PRELID3A: variants seen among roughly 807,000 people sequenced by gnomAD.
PRELID3A encodes the protein PRELI domain containing protein 3A.
Under a neutral mutation model 23.0 loss-of-function variants are expected in PRELID3A, and 27 were observed. The observed-to-expected ratio is 1.17, with a 90% CI of 0.87 to 1.62. PRELID3A has a LOEUF of 1.62. Ranked by LOEUF, PRELID3A falls within the 40% of genes most tolerant of loss-of-function variation. The pLI, the probability that PRELID3A is intolerant of heterozygous loss-of-function variation, is 0.00. For synonymous variants in PRELID3A, 87 were observed against 86.4 expected, an observed-to-expected ratio of 1.01 and a Z score of -0.04; for missense variants, 231 against 231.4, an observed-to-expected ratio of 1.00 and a Z score of 0.01.
chr18:12,429,351 G>A lies in PRELID3A; in HGVS notation c.467G>A (p.Gly156Glu). 1 of 1,613,714 alleles carries A rather than the reference G, an allele frequency of 6.2e-7. No homozygotes were observed. The highest frequency in any genetic ancestry group is 8.5e-7 in the Non-Finnish European group (1 of 1,179,996). ...TGCTGAAATCTTTCTGTGTTGCAGG[G>A]GTGGGCTGCTATCGAGTGGATAATT... ...ANTISSNAKK[G>E]WAAIEWIIEH... Residue 156 changes from glycine (G) to glutamate (E), a missense_variant and splice_region_variant, in exon 6 of 7, where the codon GGG (glycine) becomes GAG (glutamate). By Grantham distance (98) the Gly-to-Glu change is moderately conservative (BLOSUM62 -2). Transcript: ENST00000440960.
At chr18:12,408,097 C>T (rs1008121465) in intron 1 of PRELID3A, 90 bp downstream of exon 1, 1 of 1,119,982 alleles carries the variant, frequency 8.9e-7, no homozygotes, top group East Asian at 3.3e-5. Context: ...AAGGCCGGAC[C>T]TCACAGCGGG....
At chr18:12,408,664 G>A (rs1455514212) in intron 1 of PRELID3A, among the ~76,000 whole-genome samples, 2 of 152,006 alleles carry the variant, frequency 1.3e-5, no homozygotes, top group Admixed American at 6.6e-5. Context: ...AGAAAGACAA[G>A]TATCGCATGT....
chr18:12,426,331 G>A (rs1388774498), intron 3 of PRELID3A, among the ~76,000 whole-genome samples: 1 of 151,344 alleles, frequency 6.6e-6, no homozygotes, highest in Admixed American at 6.6e-5. Context: ...AAGGCGGGCG[G>A]ATCACGAGGT....
At chr18:12,421,724 C>T in intron 3 of PRELID3A, 95 bp downstream of exon 3, 1 of 758,416 alleles carries the variant, frequency 1.3e-6, no homozygotes, top group Non-Finnish European at 2.3e-6. Flanking sequence ...CACCTTTGGT[C>T]TAGGTGTTGC....
At chr18:12,429,294 G>A in intron 5 of PRELID3A, 56 bp from the exon 6 acceptor site, 1 of 1,500,422 alleles carries the variant, frequency 6.7e-7, no homozygotes, top group South Asian at 1.1e-5. Flanking sequence ...GTCGCTTGCT[G>A]TCTGCAGCGG....
chr18:12,430,004 C>A (rs1016388354), intron 6 of PRELID3A, among the ~76,000 whole-genome samples: 7 of 152,268 alleles, frequency 4.6e-5, no homozygotes, highest in African/African-American at 1.7e-4. Context: ...GGCCAGCGGC[C>A]ACCAGGGCCT....
intron 6 of PRELID3A, among the ~76,000 whole-genome samples, 185 bp from the exon 7 acceptor site, chr18:12,430,965 T>A (rs981254285): frequency 4.0e-5 from 6 of 151,460 alleles, no homozygotes; most frequent in Admixed American, 2.0e-4. Context: ...GATTTGTGCA[T>A]GTCTGTATGA....
intron 5 of PRELID3A, 92 bp from the exon 6 acceptor site, chr18:12,429,258 C>A (rs970958316): frequency 3.8e-6 from 4 of 1,056,564 alleles, no homozygotes; most frequent in Non-Finnish European, 5.9e-6. Context: ...GCAGCGCTTG[C>A]CTTCTGCAGT....
At chr18:12,408,550 A>T (rs1363735754) in intron 1 of PRELID3A, among the ~76,000 whole-genome samples, 2 of 152,182 alleles carry the variant, frequency 1.3e-5, no homozygotes, top group Non-Finnish European at 2.9e-5. Context: ...ACTTGTAGGC[A>T]TGGAAGGCCT....
At chr18:12,424,452 C>T (rs1454289489) in intron 3 of PRELID3A, among the ~76,000 whole-genome samples, 1 of 152,198 alleles carries the variant, frequency 6.6e-6, no homozygotes, top group Non-Finnish European at 1.5e-5. Context: ...AACACAGTGA[C>T]TTGCATAAAA....
chr18:12,416,689 A>G (rs1568161550), intron 1 of PRELID3A, among the ~76,000 whole-genome samples: 2 of 142,610 alleles, frequency 1.4e-5, no homozygotes, highest in South Asian at 2.2e-4. Flanking sequence ...TCTGTTGCCC[A>G]GGGTGGAGTG....
At chr18:12,411,301 T>TA (rs775153295) in intron 1 of PRELID3A, among the ~76,000 whole-genome samples, 2,972 of 132,232 alleles carry the variant, frequency 0.022, 82 homozygotes, top group African/African-American at 0.073. Context: ...TACTAAAAAA[T>TA]AAAAAAAAAA....
chr18:12,416,826 T>G (rs1025061376), intron 1 of PRELID3A, among the ~76,000 whole-genome samples: 1 of 151,854 alleles, frequency 6.6e-6, no homozygotes, highest in Non-Finnish European at 1.5e-5. Flanking sequence ...TTTGTATTTT[T>G]AGTAGAGTCG....
At chr18:12,427,457 G>A (rs1186950653) in intron 5 of PRELID3A, 134 bp downstream of exon 5, 2 of 714,486 alleles carry the variant, frequency 2.8e-6, no homozygotes, top group Non-Finnish European at 4.6e-6. Flanking sequence ...AGCACTTTGG[G>A]AGGCCAACGC....
chr18:12,421,265 G>T (rs1386070683), intron 2 of PRELID3A: 2 of 423,054 alleles, frequency 4.7e-6, no homozygotes, highest in Non-Finnish European at 8.5e-6. Context: ...CCCGGCAGAG[G>T]GGCCTCCTAG....
intron 1 of PRELID3A, among the ~76,000 whole-genome samples, chr18:12,412,045 G>A (rs568719564): frequency 1.3e-5 from 2 of 151,856 alleles, no homozygotes; most frequent in Admixed American, 1.3e-4. Context: ...AGAGTAGCTG[G>A]AACCACAGGC....
chr18:12,424,098 T>C (rs1355815139), intron 3 of PRELID3A, among the ~76,000 whole-genome samples: 1 of 152,218 alleles, frequency 6.6e-6, no homozygotes, highest in Non-Finnish European at 1.5e-5. Flanking sequence ...TCCTATTGGC[T>C]CCTTGTCCCA....
intron 1 of PRELID3A, among the ~76,000 whole-genome samples, chr18:12,417,369 T>C (rs1252734394): frequency 6.6e-6 from 1 of 152,090 alleles, no homozygotes; most frequent in Non-Finnish European, 1.5e-5. Context: ...AGATGGAGTT[T>C]CACTATGTTG....
chr18:12,429,849 C>T (rs529307202), intron 6 of PRELID3A, among the ~76,000 whole-genome samples: 628 of 152,384 alleles, frequency 4.1e-3, no homozygotes, highest in Middle Eastern at 6.8e-3. Flanking sequence ...TCTTCACTTG[C>T]CCCAAGCCAG....
Sources: gnomAD v4.1 joint callset for allele counts (sites outside exome capture counted in the v4.1 genomes callset) on GRCh38, gnomAD v4.1.1 for gene constraint, MANE v1.5 for transcripts, NCBI Gene and HGNC (gene_info 2026-07-23, HGNC 2026-07-21) for gene names.